Variants in PTH1R observed in about 807,000 individuals in gnomAD.
PTH1R encodes the protein parathyroid hormone/parathyroid hormone-related peptide receptor.
A neutral mutation model predicts 70.7 loss-of-function variants in PTH1R; 32 were observed. The observed-to-expected ratio is 0.45, with a 90% confidence interval of 0.34 to 0.61. The LOEUF (loss-of-function observed/expected upper bound fraction) is 0.61, where lower values mean the gene tolerates loss of function less well. Among genes scored for constraint, PTH1R ranks in the 20% least tolerant of loss-of-function variants. The pLI is 0.01. For synonymous variants in PTH1R, 329 were observed against 324.8 expected, an observed-to-expected ratio of 1.01 and a Z score of -0.14; for missense variants, 626 against 792.5, an observed-to-expected ratio of 0.79 and a Z score of 2.52.
chr3:46,888,540 G>A (rs1022541071), intron 3 of PTH1R, among the ~76,000 whole-genome samples: 22 of 152,198 alleles, frequency 1.4e-4, no homozygotes, highest in Non-Finnish European at 5.9e-5. Context: ...AAGGTGGGGC[G>A]AGGGTTTTGC....
chr3:46,900,927 C>A (rs2107053943), intron 10 of PTH1R, 98 bp from the exon 11 acceptor site: 1 of 1,346,974 alleles, frequency 7.4e-7, no homozygotes, highest in Non-Finnish European at 1.0e-6. Flanking sequence ...GGGTTCAGGG[C>A]AATGGTGGGG....
chr3:46,894,696 G>C (rs1274481672), intron 4 of PTH1R, among the ~76,000 whole-genome samples: 2 of 152,092 alleles, frequency 1.3e-5, no homozygotes, highest in Admixed American at 1.3e-4. Context: ...GTGGAGGCAG[G>C]AAAATGAGCA....
chr3:46,899,231 C>T, intron 9 of PTH1R, 72 bp from the exon 10 acceptor site: 1 of 1,601,690 alleles, frequency 6.2e-7, no homozygotes, highest in Non-Finnish European at 8.5e-7. Context: ...CCTGCCGCCC[C>T]AGCCCCCCAG....
At chr3:46,895,347 A>G (rs1200822217) in intron 4 of PTH1R, among the ~76,000 whole-genome samples, 1 of 151,654 alleles carries the variant, frequency 6.6e-6, no homozygotes, top group African/African-American at 2.4e-5. Flanking sequence ...GACATCACCC[A>G]CTCTGTCTGC....
At position 46,898,045 on chromosome 3, in the gene PTH1R, G is replaced by C. The variant is rs201773191; in HGVS notation, c.425-29G>C. On this transcript the variant is annotated intron_variant, in intron 6 of 15. Transcript: ENST00000449590. The stretch of plus-strand genomic sequence containing the variant: ...GGGTTCAGTGCCTCGAGACCTCCCT[G>C]CCGGCCCTGACCTCCCATGGACCTG... The C allele has an allele frequency of 9.3e-6, 15 of 1,613,398 alleles. No individual in the cohort carries two copies. The Middle Eastern group carries it at 1.6e-3, about 177-fold the overall frequency.
In PTH1R at chr3:46,896,082, AAC is replaced by A. The variant is rs2031734142; in HGVS notation, c.313+214_313+215del. 2.6e-5 allele frequency among the ~76,000 whole-genome samples: 4 copies of A among 152,228 alleles called. No homozygotes were observed. The South Asian group carries it at 8.3e-4, about 32-fold the overall frequency. ...AGGCCTCAGAAAGAGATGAACAGAG[AAC>A]TCTCCAGCACCACACCAAGAGTGGA... On this transcript the variant is annotated intron_variant, in intron 5 of 15. Coordinates refer to ENST00000449590, the MANE Select transcript of PTH1R (RefSeq NM_000316.3). The surrounding 1 kb of genome is among the most constrained non-coding windows in gnomAD (Gnocchi z 4.1).
At chr3:46,886,799 TCA>T (rs1450270940) in intron 3 of PTH1R, among the ~76,000 whole-genome samples, 3 of 152,146 alleles carry the variant, frequency 2.0e-5, no homozygotes, top group Non-Finnish European at 4.4e-5. Context: ...GCCCTGAGAG[TCA>T]CACAGTGAGT....
chr3:46,898,994 A>G, intron 9 of PTH1R, 137 bp downstream of exon 9: 1 of 737,746 alleles, frequency 1.4e-6, no homozygotes, highest in African/African-American at 1.8e-5. Flanking sequence ...AACCCGTCTT[A>G]TAGGGTCCCT....
At chr3:46,885,964 A>T (rs2030993143) in intron 3 of PTH1R, among the ~76,000 whole-genome samples, 1 of 152,142 alleles carries the variant, frequency 6.6e-6, no homozygotes, top group African/African-American at 2.4e-5. Context: ...CAGTGACCTC[A>T]CATTTGGGGG....
At chr3:46,895,990 C>A in intron 5 of PTH1R, 121 bp downstream of exon 5, 1 of 1,310,472 alleles carries the variant, frequency 7.6e-7, no homozygotes, top group Non-Finnish European at 1.1e-6. Flanking sequence ...AGGCTGCAGC[C>A]ACATCCCCAG....
chr3:46,890,619 C>T (rs781078596), intron 3 of PTH1R, among the ~76,000 whole-genome samples: 3 of 150,984 alleles, frequency 2.0e-5, no homozygotes, highest in African/African-American at 4.9e-5. Context: ...TCTGCTGCCT[C>T]GGCCTCCCGA....
chr3:46,901,077 C>A lies in PTH1R; in HGVS notation c.1041C>A (p.Ala347=). Residue 347 remains alanine, a synonymous_variant, in exon 11 of 16, where the codon GCC becomes GCA. Transcript: ENST00000449590. This position sits in a 1 kb window ranked among gnomAD's most constrained non-coding sequence, Gnocchi z 7.3. ...AVWVSVRATL[A]NTGCWDLSSG... is the part of the protein sequence containing the mutation. ...GGGTCAGTGTCAGAGCTACCCTGGC[C>A]AACACCGGGTAGGTCCAGGTGGAGA... 6.3e-7 allele frequency: 1 copy of A among 1,578,352 alleles called. No homozygotes were observed. The highest frequency in any genetic ancestry group is 1.8e-5 in the Admixed American group (1 of 54,612).
rs766947746 is a variant in PTH1R, at chr3:46,897,939, A to C, written c.398A>C (p.Asp133Ala). ...PGEVVAVPCP[D>A]YIYDFNHKGH... is the part of the protein sequence containing the mutation. ...GAGGTGGTGGCTGTGCCCTGTCCGG[A>C]CTACATTTATGACTTCAATCACAAA... Residue 133 changes from aspartate (D) to alanine (A), a missense_variant, in exon 6 of 16, where the codon GAC becomes GCC. Coordinates refer to ENST00000449590, the MANE Select transcript of PTH1R (RefSeq NM_000316.3). The C allele has an allele frequency of 1.2e-6, 2 of 1,614,074 alleles. No individual in the cohort carries two copies. Among genetic ancestry groups the C allele is most frequent in the Admixed American group, 3.3e-5 (2 of 60,020 alleles).
chr3:46,883,790 G>A lies in PTH1R; in HGVS notation c.75+156G>A, dbSNP rs1483203589. On this transcript the variant is annotated intron_variant, in intron 3 of 15. Transcript: ENST00000449590. The surrounding 1 kb of genome is among the most constrained non-coding windows in gnomAD (Gnocchi z 6.4). ...AGGATCCTGGGTGCCTGCTGTCTCTGGGATGTCTGGACTGTGGGTTCCAGC... is the reference window on the plus strand; with the variant it reads ...AGGATCCTGGGTGCCTGCTGTCTCTAGGATGTCTGGACTGTGGGTTCCAGC... Among the ~76,000 whole-genome samples, 1 of 152,172 alleles carries A rather than the reference G, an allele frequency of 6.6e-6. No homozygotes were observed. Among genetic ancestry groups the A allele is most frequent in the African/African-American group, 2.4e-5 (1 of 41,446 alleles).
Position 46,903,030 on chromosome 3 carries a change from T to G in PTH1R, c.1395+240T>G. On this transcript the variant is annotated intron_variant, in intron 15 of 15. Coordinates refer to ENST00000449590, the MANE Select transcript of PTH1R (RefSeq NM_000316.3). This position sits in a 1 kb window ranked among gnomAD's most constrained non-coding sequence, Gnocchi z 4.4. The stretch of plus-strand genomic sequence containing the variant: ...TCTTCCCAGCCCCATGGTTCAATTA[T>G]CTGTGACCCAGATTGGAGGACTCAG... 3 of 977,010 alleles carry G rather than the reference T, an allele frequency of 3.1e-6. No homozygotes were observed. The highest frequency in any genetic ancestry group is 5.2e-5 in the East Asian group (2 of 38,242). The allele number at this position is 977,010 out of a possible 1,614,324, so 60.5% of individuals were successfully genotyped here. A position where few individuals can be genotyped will look rare whatever the true frequency, so the allele number is the denominator to read the frequency against.
At chr3:46,894,151 C>T (rs886777146) in intron 4 of PTH1R, 142 bp downstream of exon 4, 9 of 805,542 alleles carry the variant, frequency 1.1e-5, no homozygotes, top group African/African-American at 1.0e-4. Context: ...AAGTGAGAAC[C>T]AAAGTGGGGT....
rs372928606 is a variant in PTH1R at position 46,878,061 on chromosome 3, G to T, written c.-106+218G>T. On this transcript the variant is annotated intron_variant, in intron 1 of 15. Transcript: ENST00000449590. ...GAAAGCCCATACCTCTAGCTCCTTGGGAGCCTTAGGAGTGCTCCCTGGTTG... is the reference window on the plus strand; with the variant it reads ...GAAAGCCCATACCTCTAGCTCCTTGTGAGCCTTAGGAGTGCTCCCTGGTTG... 2.0e-5 allele frequency among the ~76,000 whole-genome samples: 3 copies of T among 152,332 alleles called. No homozygotes were observed. In the East Asian group the frequency reaches 5.8e-4, roughly 29 times the overall value.
At position 46,901,578 on chromosome 3, in the gene PTH1R, AC is replaced by A; in HGVS notation, c.1116+102del. ...ACAGGGACCTAGGAGGCTTCCCTGG[AC>A]CCCAGTGTCAGAGCTACAGAGGCCG... On this transcript the variant is annotated intron_variant, in intron 12 of 15. Coordinates refer to ENST00000449590, the MANE Select transcript of PTH1R (RefSeq NM_000316.3). This position sits in a 1 kb window ranked among gnomAD's most constrained non-coding sequence, Gnocchi z 7.3. 1 of 1,443,700 alleles carries A rather than the reference AC, an allele frequency of 6.9e-7. No individual in the cohort carries two copies. The highest frequency in any genetic ancestry group is 2.5e-5 in the East Asian group (1 of 40,336). The allele number at this position is 1,443,700 out of a possible 1,614,324, so 89.4% of individuals were successfully genotyped here. A position where few individuals can be genotyped will look rare whatever the true frequency, so the allele number is the denominator to read the frequency against.
chr3:46,891,831 A>G lies in PTH1R; in HGVS notation c.76-2076A>G, dbSNP rs1431859551. On this transcript the variant is annotated intron_variant, in intron 3 of 15. Transcript: ENST00000449590. The surrounding 1 kb of genome is among the most constrained non-coding windows in gnomAD (Gnocchi z 4.3). ...CGGTGATGCCAGTGGTGGTGGTGGT[A>G]GTACTGGGAGGGACTGGTGATGCTG... 5.3e-5 allele frequency among the ~76,000 whole-genome samples: 8 copies of G among 152,010 alleles called. 1 individual carries two copies. The South Asian group carries it at 1.0e-3, about 20-fold the overall frequency.
Sources: gnomAD v4.1 joint callset for allele counts (sites outside exome capture counted in the v4.1 genomes callset) on GRCh38, gnomAD v4.1.1 for gene constraint, Gnocchi (gnomAD v3.1) non-coding constraint, MANE v1.5 for transcripts, NCBI Gene and HGNC (gene_info 2026-07-23, HGNC 2026-07-21) for gene names.